ABCD3: variants seen among roughly 807,000 people sequenced by gnomAD.
ABCD3 encodes the protein ATP binding cassette subfamily D member 3.
In ABCD3, 41 loss-of-function variants were observed where a neutral mutation model predicts 105.5. That is an observed-to-expected ratio of 0.39 (90% confidence interval 0.30 to 0.50). The LOEUF (loss-of-function observed/expected upper bound fraction) is 0.50. Among genes scored for constraint, ABCD3 ranks in the 20% least tolerant of loss-of-function variants. The probability of loss-of-function intolerance (pLI) is 0.84; values close to 1 mark genes in which losing one functional copy is unlikely to be tolerated. For missense variants in ABCD3, 622 were observed against 806.3 expected, an observed-to-expected ratio of 0.77 and a Z score of 2.77; for synonymous variants, 258 against 269.0, an observed-to-expected ratio of 0.96 and a Z score of 0.40.
At position 94,418,444 on chromosome 1, in the gene ABCD3, C is replaced by CCGT. The variant is rs28365841; in HGVS notation, c.-35_-34insCGT. 3.9e-6 allele frequency: 6 copies of CCGT among 1,553,706 alleles called. No homozygotes were observed. The highest frequency in any genetic ancestry group is 5.2e-6 in the Non-Finnish European group (6 of 1,149,282). On this transcript the variant is annotated 5_prime_UTR_variant, in exon 1 of 23. Transcript: ENST00000370214. The stretch of plus-strand genomic sequence containing the variant: ...GTAGCCGCCGCCGCCGCCGCCGCCG[C>CCGT]GTCCCCTCGCCGGCTCGCTGGTACC...
At chr1:94,475,466 T>G in intron 6 of ABCD3, 148 bp from the exon 7 acceptor site, 1 of 846,478 alleles carries the variant, frequency 1.2e-6, no homozygotes, top group Non-Finnish European at 1.8e-6. Flanking sequence ...TCTCTAAAAA[T>G]CAGTTAGGGC....
chr1:94,489,587 T>C (rs1278867262), intron 13 of ABCD3, 138 bp from the exon 14 acceptor site: 1 of 711,484 alleles, frequency 1.4e-6, no homozygotes, highest in Non-Finnish European at 2.5e-6. Context: ...ATGTTATCAT[T>C]AATACTTTAT....
chr1:94,444,184 T>C (rs1191877306), intron 1 of ABCD3, among the ~76,000 whole-genome samples: 1 of 151,868 alleles, frequency 6.6e-6, no homozygotes, highest in Non-Finnish European at 1.5e-5. Flanking sequence ...ATACAAAAAT[T>C]AGCTGGGCAT....
At chr1:94,439,830 T>C (rs981439466) in intron 1 of ABCD3, among the ~76,000 whole-genome samples, 1 of 152,266 alleles carries the variant, frequency 6.6e-6, no homozygotes, top group Non-Finnish European at 1.5e-5. Flanking sequence ...AATATTATTT[T>C]ATGCTGTGAG....
the ABCD3 span, among the ~76,000 whole-genome samples, chr1:94,394,877 G>A: frequency 1.3e-5 from 2 of 152,120 alleles, no homozygotes; most frequent in Admixed American, 6.6e-5. Flanking sequence ...TTCCAATCAG[G>A]CTCTGTGTTT....
intron 1 of ABCD3, among the ~76,000 whole-genome samples, chr1:94,453,021 G>C (rs1165575436): frequency 6.6e-6 from 1 of 152,134 alleles, no homozygotes; most frequent in Non-Finnish European, 1.5e-5. Context: ...CCACCCGTCT[G>C]GCCTTCCAAA....
chr1:94,515,371 G>T (rs779094482), intron 22 of ABCD3, among the ~76,000 whole-genome samples, 169 bp downstream of exon 22: 1 of 151,954 alleles, frequency 6.6e-6, no homozygotes, highest in Non-Finnish European at 1.5e-5. Flanking sequence ...TATTATAGTT[G>T]TCAGTTTTGA....
chr1:94,485,220 C>T (rs1287761251), intron 10 of ABCD3, among the ~76,000 whole-genome samples: 2 of 152,094 alleles, frequency 1.3e-5, no homozygotes, highest in Non-Finnish European at 2.9e-5. Flanking sequence ...AATTCAAGTA[C>T]TTTTATTCCA....
chr1:94,516,139 G>A (rs570552833), intron 22 of ABCD3, among the ~76,000 whole-genome samples: 4 of 152,062 alleles, frequency 2.6e-5, no homozygotes, highest in African/African-American at 9.6e-5. Context: ...AAAATGAAGA[G>A]CATAGGATTT....
In ABCD3 at chr1:94,418,452, C is replaced by G. The variant is rs560387060; in HGVS notation, c.-27C>G. 1.3e-6 allele frequency: 2 copies of G among 1,559,352 alleles called. No individual in the cohort carries two copies. The highest frequency in any genetic ancestry group is 1.1e-5 in the South Asian group (1 of 87,916). ...CGCCGCCGCCGCCGCCGCGTCCCCT[C>G]GCCGGCTCGCTGGTACCGGCAGTGC... On this transcript the variant is annotated 5_prime_UTR_variant, in exon 1 of 23. Coordinates refer to ENST00000370214, the MANE Select transcript of ABCD3 (RefSeq NM_002858.4).
upstream of ABCD3, among the ~76,000 whole-genome samples, chr1:94,416,871 G>A (rs1659037946): frequency 6.6e-6 from 1 of 152,230 alleles, no homozygotes; most frequent in South Asian, 2.1e-4. Context: ...AGGCCAAGAA[G>A]AATCTAGACA....
At chr1:94,485,151 C>G (rs1409353348) in intron 10 of ABCD3, among the ~76,000 whole-genome samples, 1 of 152,106 alleles carries the variant, frequency 6.6e-6, no homozygotes, top group Non-Finnish European at 1.5e-5. Context: ...AGAATATAAG[C>G]ATTGTTTCTT....
chr1:94,439,300 A>G (rs74229018), intron 1 of ABCD3, among the ~76,000 whole-genome samples: 1 of 152,214 alleles, frequency 6.6e-6, no homozygotes, highest in East Asian at 1.9e-4. Context: ...TTTCCCTTTT[A>G]AATGACTTGG....
chr1:94,459,410 A>G (rs1182859646), intron 2 of ABCD3, among the ~76,000 whole-genome samples: 1 of 152,126 alleles, frequency 6.6e-6, no homozygotes, highest in Non-Finnish European at 1.5e-5. Flanking sequence ...GTAGTTGTCC[A>G]GTTATGGCCT....
intron 1 of ABCD3, among the ~76,000 whole-genome samples, chr1:94,451,515 ACACT>A (rs1223824640): frequency 6.6e-6 from 1 of 152,180 alleles, no homozygotes; most frequent in Non-Finnish European, 1.5e-5. Flanking sequence ...AACAAAAACA[ACACT>A]CACGTTTCAG....
chr1:94,391,922 CA>C, the ABCD3 span, among the ~76,000 whole-genome samples: 2 of 152,142 alleles, frequency 1.3e-5, no homozygotes, highest in Admixed American at 1.3e-4. Flanking sequence ...GGAGACCAAT[CA>C]GAGGTTCTTT....
intron 1 of ABCD3, among the ~76,000 whole-genome samples, chr1:94,448,106 A>AT (rs1260609845): frequency 6.6e-6 from 1 of 152,188 alleles, no homozygotes; most frequent in African/African-American, 2.4e-5. Flanking sequence ...TACTGGTGTT[A>AT]TTGTCCACAA....
At chr1:94,506,093 G>C (rs1418865022) in intron 20 of ABCD3, among the ~76,000 whole-genome samples, 1 of 152,004 alleles carries the variant, frequency 6.6e-6, no homozygotes, top group African/African-American at 2.4e-5. Context: ...ATATAAAACA[G>C]GTACAATAAA....
Position 94,418,486 on chromosome 1 carries a change from C to T in ABCD3, c.8C>T (p.Ala3Val), listed in dbSNP as rs150616788. 190 of 1,600,616 alleles carry T rather than the reference C, an allele frequency of 1.2e-4. No individual in the cohort carries two copies. Among genetic ancestry groups the T allele is most frequent in the Non-Finnish European group, 1.5e-4 (180 of 1,177,852 alleles). Residue 3 changes from alanine to valine, a missense_variant, in exon 1 of 23, where the codon GCC becomes GTC. Coordinates refer to ENST00000370214, the MANE Select transcript of ABCD3 (RefSeq NM_002858.4). MA[A>V]FSKYLTARNS... is the part of the protein sequence containing the mutation. The stretch of plus-strand genomic sequence containing the variant: ...GCTGGTACCGGCAGTGCCATGGCGG[C>T]CTTCAGCAAGTACTTGACGGCGCGA...
Sources: allele counts gnomAD v4.1 joint callset (sites outside exome capture counted in the v4.1 genomes callset), GRCh38; gene constraint gnomAD v4.1.1; transcripts MANE v1.5; gene names NCBI Gene and HGNC (gene_info 2026-07-23, HGNC 2026-07-21).